The following MDGA2 variants were observed in gnomAD, a reference collection of about 807,000 sequenced individuals.
The protein encoded by MDGA2 is MAM domain containing glycosylphosphatidylinositol anchor 2.
Under a neutral mutation model 117.8 loss-of-function variants are expected in MDGA2, and 40 were observed. The observed-to-expected ratio is 0.34, with a 90% CI of 0.26 to 0.44. The LOEUF is 0.44. Among genes scored for constraint, MDGA2 ranks in the 20% least tolerant of loss-of-function variants. MDGA2 has a pLI of 1.00. For synonymous variants in MDGA2, 452 were observed against 439.0 expected, an observed-to-expected ratio of 1.03 and a Z score of -0.37; for missense variants, 1,123 against 1,250.6, an observed-to-expected ratio of 0.90 and a Z score of 1.54.
chr14:47,426,042 C>T (rs1454428071), intron 1 of MDGA2, among the ~76,000 whole-genome samples: 1 of 151,956 alleles, frequency 6.6e-6, no homozygotes, highest in East Asian at 1.9e-4. Flanking sequence ...GGTTCTCTGA[C>T]TTACACAGCC....
chr14:47,234,141 C>G (rs958968673), intron 2 of MDGA2, among the ~76,000 whole-genome samples: 5 of 151,616 alleles, frequency 3.3e-5, no homozygotes, highest in Admixed American at 3.3e-4. Flanking sequence ...AATAAAATTA[C>G]CAGACACAGT....
chr14:47,011,087 C>T (rs1887881730), intron 8 of MDGA2, among the ~76,000 whole-genome samples: 2 of 151,836 alleles, frequency 1.3e-5, no homozygotes, highest in African/African-American at 2.4e-5. Context: ...AACTTTTTAG[C>T]ATCATAGGGA....
At chr14:47,666,725 T>C (rs1897977961) in intron 1 of MDGA2, among the ~76,000 whole-genome samples, 1 of 152,170 alleles carries the variant, frequency 6.6e-6, no homozygotes, top group South Asian at 2.1e-4. Context: ...CCTTCCACAC[T>C]GTGGAAGCTT....
intron 1 of MDGA2, among the ~76,000 whole-genome samples, chr14:47,397,261 A>G (rs943525796): frequency 6.6e-6 from 1 of 152,188 alleles, no homozygotes. Context: ...GTTCTCACTC[A>G]TAAGTGGGAG....
At chr14:47,528,169 T>C (rs1463039656) in intron 1 of MDGA2, among the ~76,000 whole-genome samples, 1 of 152,226 alleles carries the variant, frequency 6.6e-6, no homozygotes, top group Non-Finnish European at 1.5e-5. Flanking sequence ...AGGTCAGGCC[T>C]GTTCTTCTCA....
intron 3 of MDGA2, among the ~76,000 whole-genome samples, chr14:47,178,285 G>T (rs1392494608): frequency 1.3e-5 from 2 of 152,090 alleles, no homozygotes; most frequent in Non-Finnish European, 2.9e-5. Flanking sequence ...GACTTTTCTA[G>T]GGCCATTGTT....
chr14:47,518,007 G>C (rs2138706839), intron 1 of MDGA2, among the ~76,000 whole-genome samples: 1 of 152,260 alleles, frequency 6.6e-6, no homozygotes, highest in Non-Finnish European at 1.5e-5. Context: ...GCTTTATCGT[G>C]TGTGGTCATG....
chr14:47,484,716 G>A lies in MDGA2; in HGVS notation c.281-183166C>T, dbSNP rs534958473. Among the ~76,000 whole-genome samples the A allele has an allele frequency of 3.6e-4, 55 of 152,184 alleles. No homozygotes were observed. The South Asian group carries it at 7.7e-3, about 21-fold the overall frequency. On this transcript the variant is annotated intron_variant, in intron 1 of 16. Transcript: ENST00000399232. ...GGACCCCGTGGGAGATGGCTAAATCGTAGGGGCAGGTCTTTCCCATGCTGT... is the reference window on the plus strand; with the variant it reads ...GGACCCCGTGGGAGATGGCTAAATCATAGGGGCAGGTCTTTCCCATGCTGT...
intron 4 of MDGA2, 26 bp from the exon 5 acceptor site, chr14:47,131,872 G>C (rs761552158): frequency 6.6e-7 from 1 of 1,511,456 alleles, no homozygotes; most frequent in Admixed American, 1.8e-5. Flanking sequence ...AAAAATAAAA[G>C]TCATTAGAAA....
At chr14:46,912,341 G>A (rs867863581) in intron 10 of MDGA2, among the ~76,000 whole-genome samples, 7 of 152,008 alleles carry the variant, frequency 4.6e-5, no homozygotes, top group Non-Finnish European at 8.8e-5. Context: ...CGTTTTTGCT[G>A]GAAATTCTAT....
At chr14:47,633,173 C>A (rs1021582059) in intron 1 of MDGA2, among the ~76,000 whole-genome samples, 8 of 147,868 alleles carry the variant, frequency 5.4e-5, no homozygotes, top group African/African-American at 2.0e-4. Flanking sequence ...GTCATTGTTC[C>A]CATTACATGG....
At chr14:47,457,897 CTGT>C (rs1893393280) in intron 1 of MDGA2, among the ~76,000 whole-genome samples, 1 of 149,010 alleles carries the variant, frequency 6.7e-6, no homozygotes, top group Middle Eastern at 3.2e-3. Flanking sequence ...AAATCATTTA[CTGT>C]TATTATTTTC....
intron 1 of MDGA2, among the ~76,000 whole-genome samples, chr14:47,485,254 T>C (rs1477615350): frequency 3.9e-5 from 6 of 152,068 alleles, no homozygotes; most frequent in Admixed American, 3.3e-4. Context: ...AGAGCAAAGG[T>C]GACTCTTGTT....
At chr14:46,870,044 C>T (rs1375023838) in intron 14 of MDGA2, among the ~76,000 whole-genome samples, 3 of 151,882 alleles carry the variant, frequency 2.0e-5, no homozygotes, top group African/African-American at 7.3e-5. Context: ...GCCAAAGGCA[C>T]TCAGTTGAGC....
chr14:47,647,575 T>G lies in MDGA2; in HGVS notation c.280+26942A>C, dbSNP rs368499456. Among the ~76,000 whole-genome samples, 159 of 152,286 alleles carry G rather than the reference T, an allele frequency of 1.0e-3. 2 individuals carry two copies. In the South Asian group the frequency reaches 0.03, roughly 29 times the overall value. ...AACCTTTTATAAACACTGTATACAATACTGATCTCCTCTTATAGAAAAAAG... is the reference window on the plus strand; with the variant it reads ...AACCTTTTATAAACACTGTATACAAGACTGATCTCCTCTTATAGAAAAAAG... On this transcript the variant is annotated intron_variant, in intron 1 of 16. Transcript: ENST00000399232.
intron 1 of MDGA2, among the ~76,000 whole-genome samples, chr14:47,649,202 G>A (rs891668857): frequency 1.3e-5 from 2 of 152,106 alleles, no homozygotes; most frequent in African/African-American, 4.8e-5. Flanking sequence ...AAATGAGGGA[G>A]TAAATTGCAA....
At chr14:47,300,152 G>C (rs1018060366) in intron 2 of MDGA2, among the ~76,000 whole-genome samples, 1 of 152,146 alleles carries the variant, frequency 6.6e-6, no homozygotes, top group East Asian at 1.9e-4. Context: ...TAAAAACAGG[G>C]TTAAAATGGT....
chr14:47,626,895 A>G (rs1212599090), intron 1 of MDGA2, among the ~76,000 whole-genome samples: 1 of 152,252 alleles, frequency 6.6e-6, no homozygotes, highest in Non-Finnish European at 1.5e-5. Context: ...GTGCAGGCGC[A>G]CGGCGCTGGA....
intron 7 of MDGA2, among the ~76,000 whole-genome samples, chr14:47,044,500 C>A (rs1459195567): frequency 5.9e-5 from 9 of 152,088 alleles, no homozygotes; most frequent in African/African-American, 1.2e-4. Context: ...TACTTGCAGT[C>A]CTGTGTGTAA....
Sources: gnomAD v4.1 joint callset for allele counts (sites outside exome capture counted in the v4.1 genomes callset) on GRCh38, gnomAD v4.1.1 for gene constraint, MANE v1.5 for transcripts, NCBI Gene and HGNC (gene_info 2026-07-23, HGNC 2026-07-21) for gene names.